AGTR1: variants seen among roughly 807,000 people sequenced by gnomAD.
The protein encoded by AGTR1 is type-1 angiotensin II receptor.
Under a neutral mutation model 19.4 loss-of-function variants are expected in AGTR1, and 16 were observed. The observed-to-expected ratio is 0.82, with a 90% CI of 0.56 to 1.25. AGTR1 has a LOEUF of 1.25. AGTR1 is among the 50% of genes most tolerant of loss of function. AGTR1 has a pLI of 0.00. For missense variants in AGTR1, 373 were observed against 431.9 expected, an observed-to-expected ratio of 0.86 and a Z score of 1.21; for synonymous variants, 153 against 154.9, an observed-to-expected ratio of 0.99 and a Z score of 0.09.
chr3:148,715,319 G>A (rs887013101), intron 2 of AGTR1, among the ~76,000 whole-genome samples: 3 of 152,056 alleles, frequency 2.0e-5, no homozygotes, highest in African/African-American at 7.2e-5. Flanking sequence ...ATCTGTGTTC[G>A]CAGGTTGAAA....
chr3:148,712,009 C>A (rs566962415), intron 2 of AGTR1, among the ~76,000 whole-genome samples: 1 of 152,016 alleles, frequency 6.6e-6, no homozygotes, highest in African/African-American at 2.4e-5. Context: ...GCCTCAGCCT[C>A]CCAAAATGCT....
intron 2 of AGTR1, chr3:148,740,066 C>A: frequency 9.8e-7 from 1 of 1,017,162 alleles, no homozygotes; most frequent in Non-Finnish European, 1.3e-6. Flanking sequence ...AATAGCTTGA[C>A]TGTTGATTAT....
rs566531695 is a variant in AGTR1, at chr3:148,702,622, C to T, written c.-132+4495C>T. Among the ~76,000 whole-genome samples the T allele has an allele frequency of 2.6e-5, 4 of 152,256 alleles. No individual in the cohort carries two copies. In the East Asian group the frequency reaches 7.7e-4, roughly 29 times the overall value. ...CCTCCTTCTGTCCTGCCTTTCAGAC[C>T]AGATGGTGTGTCTAAAGTGGTCACA... On this transcript the variant is annotated intron_variant, in intron 1 of 2. Transcript: ENST00000349243.
intron 2 of AGTR1, among the ~76,000 whole-genome samples, chr3:148,727,600 A>G (rs1481510500): frequency 6.6e-6 from 1 of 152,164 alleles, no homozygotes; most frequent in African/African-American, 2.4e-5. Context: ...AGAATCCTGA[A>G]GTTATGAAAA....
intron 1 of AGTR1, among the ~76,000 whole-genome samples, chr3:148,704,872 A>T (rs1712579019): frequency 6.6e-6 from 1 of 152,216 alleles, no homozygotes; most frequent in Non-Finnish European, 1.5e-5. Context: ...AATTTGTAGG[A>T]GATAAAATTT....
chr3:148,699,305 T>G (rs970029126), intron 1 of AGTR1, among the ~76,000 whole-genome samples: 1 of 152,236 alleles, frequency 6.6e-6, no homozygotes, highest in Admixed American at 6.5e-5. Flanking sequence ...AGTTACCACC[T>G]GAGGGTTTTG....
At chr3:148,725,651 T>A (rs1713889663) in intron 2 of AGTR1, among the ~76,000 whole-genome samples, 1 of 152,030 alleles carries the variant, frequency 6.6e-6, no homozygotes, top group East Asian at 1.9e-4. Flanking sequence ...CCCAGCTAAT[T>A]TTTGTATTTT....
rs530311774 is a variant in AGTR1 at position 148,701,466 on chromosome 3, T to C, written c.-132+3339T>C. Among the ~76,000 whole-genome samples, 18 of 152,350 alleles carry C rather than the reference T, an allele frequency of 1.2e-4. No homozygotes were observed. The South Asian group carries it at 3.5e-3, about 30-fold the overall frequency. On this transcript the variant is annotated intron_variant, in intron 1 of 2. Coordinates refer to ENST00000349243, the MANE Select transcript of AGTR1 (RefSeq NM_000685.5). Reference sequence around the variant, plus strand: ...TATTTAAGTAACAAAAAATTCATTATGTAGTATAAATGCTGTATGATTACA... The same window carrying C: ...TATTTAAGTAACAAAAAATTCATTACGTAGTATAAATGCTGTATGATTACA...
intron 2 of AGTR1, among the ~76,000 whole-genome samples, chr3:148,726,356 A>G (rs1383234282): frequency 2.0e-5 from 3 of 151,940 alleles, no homozygotes; most frequent in Non-Finnish European, 4.4e-5. Context: ...TTACAGGTGC[A>G]TGCCACCATG....
intron 2 of AGTR1, among the ~76,000 whole-genome samples, chr3:148,737,376 C>T (rs895081244): frequency 6.6e-6 from 1 of 152,022 alleles, no homozygotes; most frequent in Non-Finnish European, 1.5e-5. Flanking sequence ...CCTCTCCCCA[C>T]CCCCACTGCC....
intron 1 of AGTR1, among the ~76,000 whole-genome samples, chr3:148,701,829 T>A (rs1712363747): frequency 6.6e-6 from 1 of 152,236 alleles, no homozygotes; most frequent in African/African-American, 2.4e-5. Flanking sequence ...AGTCAACTTT[T>A]GTGTGATTTC....
Position 148,741,063 on chromosome 3 carries a change from G to A in AGTR1, c.28G>A (p.Gly10Ser), listed in dbSNP as rs201574073. The change falls in exon 3 of 3, where the codon GGT becomes AGT. Residue 10 changes from glycine to serine, a missense_variant. By Grantham distance (56) the Gly-to-Ser change is moderately conservative. Coordinates refer to ENST00000349243, the MANE Select transcript of AGTR1 (RefSeq NM_000685.5). MILNSSTED[G>S]IKRIQDDCPK... is the part of the protein sequence containing the mutation. The stretch of plus-strand genomic sequence containing the variant: ...GATTCTCAACTCTTCTACTGAAGAT[G>A]GTATTAAAAGAATCCAAGATGATTG... 1.9e-6 allele frequency: 3 copies of A among 1,613,708 alleles called. No homozygotes were observed. The highest frequency in any genetic ancestry group is 2.5e-6 in the Non-Finnish European group (3 of 1,179,710).
chr3:148,740,254 CAG>C (rs1714794724), intron 2 of AGTR1, among the ~76,000 whole-genome samples: 1 of 152,148 alleles, frequency 6.6e-6, no homozygotes, highest in Non-Finnish European at 1.5e-5. Flanking sequence ...TGGTTAACCA[CAG>C]AGTTAACTTC....
chr3:148,729,697 A>G (rs1714146123), intron 2 of AGTR1, among the ~76,000 whole-genome samples: 1 of 152,246 alleles, frequency 6.6e-6, no homozygotes, highest in Non-Finnish European at 1.5e-5. Context: ...GTAGCCTAAC[A>G]TAGAAAAGAA....
chr3:148,710,435 C>T (rs1712916839), intron 2 of AGTR1, among the ~76,000 whole-genome samples: 3 of 152,048 alleles, frequency 2.0e-5, no homozygotes, highest in African/African-American at 7.2e-5. Flanking sequence ...TGGCTGTTGG[C>T]TTGGTTACCA....
chr3:148,740,302 A>T (rs1714797902), intron 2 of AGTR1, among the ~76,000 whole-genome samples: 1 of 152,228 alleles, frequency 6.6e-6, no homozygotes, highest in South Asian at 2.1e-4. Flanking sequence ...TAGAAGATTC[A>T]TGCACTTTTG....
At chr3:148,705,231 A>G (rs975963712) in intron 1 of AGTR1, among the ~76,000 whole-genome samples, 2 of 152,182 alleles carry the variant, frequency 1.3e-5, no homozygotes, top group South Asian at 2.1e-4. Flanking sequence ...TCTTTTTAAC[A>G]GTTGGAAAAA....
chr3:148,712,378 G>A (rs1713039887), intron 2 of AGTR1, among the ~76,000 whole-genome samples: 1 of 152,212 alleles, frequency 6.6e-6, no homozygotes, highest in African/African-American at 2.4e-5. Flanking sequence ...ACAGGAACAA[G>A]GTATTGCAAG....
At chr3:148,712,549 C>G (rs1299006739) in intron 2 of AGTR1, among the ~76,000 whole-genome samples, 2 of 152,158 alleles carry the variant, frequency 1.3e-5, no homozygotes, top group African/African-American at 4.8e-5. Flanking sequence ...CACCTTTGCT[C>G]CTCAGTAATA....
Sources: allele counts gnomAD v4.1 joint callset (sites outside exome capture counted in the v4.1 genomes callset), GRCh38; gene constraint gnomAD v4.1.1; transcripts MANE v1.5; gene names NCBI Gene and HGNC (gene_info 2026-07-23, HGNC 2026-07-21).